Variants in RALGAPA1 observed in about 807,000 individuals in gnomAD.
The protein encoded by RALGAPA1 is ral GTPase-activating protein subunit alpha-1.
A neutral mutation model predicts 269.6 loss-of-function variants in RALGAPA1; 52 were observed. The observed-to-expected ratio is 0.19, with a 90% CI of 0.15 to 0.24. The LOEUF (loss-of-function observed/expected upper bound fraction) is 0.24. RALGAPA1 is among the 10% of genes least tolerant of loss of function. RALGAPA1 has a pLI of 1.00. For missense variants in RALGAPA1, 1,917 were observed against 3,013.9 expected, an observed-to-expected ratio of 0.64 and a Z score of 8.52; for synonymous variants, 817 against 1,008.3, an observed-to-expected ratio of 0.81 and a Z score of 3.60.
chr14:35,723,002 G>C, intron 15 of RALGAPA1, 25 bp downstream of exon 15: 2 of 1,440,054 alleles, frequency 1.4e-6, no homozygotes, highest in Non-Finnish European at 1.9e-6. Context: ...AATTTATATA[G>C]AGCATCTCTA....
intron 35 of RALGAPA1, among the ~76,000 whole-genome samples, chr14:35,606,138 A>G (rs2139206348): frequency 6.6e-6 from 1 of 152,350 alleles, no homozygotes; most frequent in Middle Eastern, 3.4e-3. Flanking sequence ...AAAGGACCCA[A>G]TCCTTCAAAG....
At chr14:35,661,207 C>T (rs560821972) in intron 27 of RALGAPA1, among the ~76,000 whole-genome samples, 4 of 152,132 alleles carry the variant, frequency 2.6e-5, no homozygotes, top group South Asian at 2.1e-4. Context: ...ACACTGTATA[C>T]GTGTTATCAA....
intron 1 of RALGAPA1, among the ~76,000 whole-genome samples, chr14:35,788,471 G>A (rs1213313108): frequency 6.6e-6 from 1 of 152,044 alleles, no homozygotes; most frequent in Non-Finnish European, 1.5e-5. Flanking sequence ...GTAAACTGAA[G>A]ATCAAAAGTT....
intron 35 of RALGAPA1, among the ~76,000 whole-genome samples, chr14:35,616,511 T>C (rs934220198): frequency 1.6e-4 from 25 of 152,214 alleles, no homozygotes; most frequent in African/African-American, 5.8e-4. Context: ...GATACGCTAA[T>C]GGTAGATACA....
intron 3 of RALGAPA1, among the ~76,000 whole-genome samples, chr14:35,773,922 T>A (rs960025114): frequency 1.3e-5 from 2 of 151,904 alleles, no homozygotes; most frequent in Non-Finnish European, 2.9e-5. Flanking sequence ...ATTATTATTA[T>A]TATTATTATT....
At chr14:35,620,489 A>G (rs2060544743) in intron 35 of RALGAPA1, among the ~76,000 whole-genome samples, 2 of 152,112 alleles carry the variant, frequency 1.3e-5, no homozygotes, top group Admixed American at 1.3e-4. Context: ...CCTATTCAAC[A>G]TAGTGTTGGA....
chr14:35,598,875 T>C (rs1028195451), intron 36 of RALGAPA1, among the ~76,000 whole-genome samples: 6 of 152,224 alleles, frequency 3.9e-5, no homozygotes, highest in African/African-American at 1.4e-4. Context: ...CTTGCCATCT[T>C]ATTTTCTGTT....
chr14:35,553,646 G>A (rs1329678591), intron 39 of RALGAPA1, among the ~76,000 whole-genome samples: 1 of 152,074 alleles, frequency 6.6e-6, no homozygotes, highest in Non-Finnish European at 1.5e-5. Flanking sequence ...ATGTGTGTGT[G>A]TGTGTATATA....
intron 21 of RALGAPA1, among the ~76,000 whole-genome samples, chr14:35,681,171 T>C (rs1012614140): frequency 2.6e-5 from 4 of 152,228 alleles, no homozygotes; most frequent in Admixed American, 1.3e-4. Flanking sequence ...TATGATAATG[T>C]ATGCAAACTT....
At chr14:35,621,699 C>T (rs2060640712) in intron 35 of RALGAPA1, among the ~76,000 whole-genome samples, 5 of 152,114 alleles carry the variant, frequency 3.3e-5, no homozygotes, top group Admixed American at 3.3e-4. Context: ...AAAAAGTGGG[C>T]AAAGGATATG....
At chr14:35,641,942 T>G (rs909268708) in intron 31 of RALGAPA1, among the ~76,000 whole-genome samples, 9 of 152,040 alleles carry the variant, frequency 5.9e-5, no homozygotes, top group Non-Finnish European at 2.9e-5. Flanking sequence ...AGAAACAAAT[T>G]GTACATCTAC....
Position 35,775,541 on chromosome 14 carries a change from A to G in RALGAPA1, c.217+94T>C, listed in dbSNP as rs1007900165. 4 of 1,430,434 alleles carry G rather than the reference A, an allele frequency of 2.8e-6. No individual in the cohort carries two copies. In the African/African-American group the frequency reaches 4.6e-5, roughly 16 times the overall value. 88.6% of individuals were successfully genotyped at this position (1,430,434 alleles called of 1,614,324 possible). On this transcript the variant is annotated intron_variant, in intron 2 of 41. Transcript: ENST00000680220. ...GAAAGCAAAAAGCTGTCCGACAAAA[A>G]TAAGTGAAACAATATGTCCAACAGC...
rs532783129 is a variant in RALGAPA1, at chr14:35,671,539, A to T, written c.5074-22T>A. On this transcript the variant is annotated intron_variant, in intron 25 of 41. Coordinates refer to ENST00000680220, the MANE Select transcript of RALGAPA1 (RefSeq NM_001346249.2). The stretch of plus-strand genomic sequence containing the variant: ...TATCCTTAGAATAAGGAAAGAAGGA[A>T]AAAAGAATATCACATATGTAATCTT... 57 of 1,352,692 alleles carry T rather than the reference A, an allele frequency of 4.2e-5. No homozygotes were observed. In the African/African-American group the frequency reaches 7.0e-4, roughly 17 times the overall value. 83.8% of individuals were successfully genotyped at this position (1,352,692 alleles called of 1,614,324 possible).
At chr14:35,540,201 TC>T (rs1358542846) in intron 41 of RALGAPA1, among the ~76,000 whole-genome samples, 6 of 152,064 alleles carry the variant, frequency 3.9e-5, no homozygotes, top group African/African-American at 1.4e-4. Flanking sequence ...AAAAAGGAAC[TC>T]AGCACTATGA....
intron 41 of RALGAPA1, chr14:35,542,077 CTA>C: frequency 9.4e-7 from 1 of 1,059,160 alleles, no homozygotes. Context: ...GAAAAAAGGT[CTA>C]TGAGAGATTC....
chr14:35,591,427 C>T (rs559797331), intron 37 of RALGAPA1, among the ~76,000 whole-genome samples: 2 of 152,196 alleles, frequency 1.3e-5, no homozygotes, highest in South Asian at 4.1e-4. Flanking sequence ...GCAATCCTCC[C>T]ACAGTAGCCT....
chr14:35,660,840 T>C (rs1042891222), intron 27 of RALGAPA1, among the ~76,000 whole-genome samples: 1 of 152,098 alleles, frequency 6.6e-6, no homozygotes, highest in Non-Finnish European at 1.5e-5. Flanking sequence ...CTGGAGGGCA[T>C]GATGCTATGT....
chr14:35,652,803 A>G (rs1439096274), intron 30 of RALGAPA1, among the ~76,000 whole-genome samples: 1 of 152,212 alleles, frequency 6.6e-6, no homozygotes, highest in African/African-American at 2.4e-5. Context: ...CATTATTTAA[A>G]AAAAGGCAAA....
intron 16 of RALGAPA1, among the ~76,000 whole-genome samples, chr14:35,721,306 T>C (rs988261097): frequency 3.9e-5 from 6 of 152,196 alleles, no homozygotes; most frequent in African/African-American, 1.4e-4. Context: ...ACTATATAAT[T>C]GTAGCACAGG....
Sources: allele counts gnomAD v4.1 joint callset (sites outside exome capture counted in the v4.1 genomes callset), GRCh38; gene constraint gnomAD v4.1.1; transcripts MANE v1.5; gene names NCBI Gene and HGNC (gene_info 2026-07-23, HGNC 2026-07-21).